The following JAK1 variants were observed in gnomAD, a reference collection of about 807,000 sequenced individuals.
JAK1 encodes the protein Janus kinase 1.
Under a neutral mutation model 136.6 loss-of-function variants are expected in JAK1, and 16 were observed. That is an observed-to-expected ratio of 0.12 (90% CI 0.08 to 0.18). The LOEUF is 0.18. Among genes scored for constraint, JAK1 ranks in the 10% least tolerant of loss-of-function variants. JAK1 has a pLI of 1.00. For synonymous variants in JAK1, 492 were observed against 519.5 expected, an observed-to-expected ratio of 0.95 and a Z score of 0.72; for missense variants, 859 against 1,450.1, an observed-to-expected ratio of 0.59 and a Z score of 6.62.
chr1:64,879,294 C>A lies in JAK1; in HGVS notation c.206-146G>T. 4 of 900,952 alleles carry A rather than the reference C, an allele frequency of 4.4e-6. No homozygotes were observed. The East Asian group carries it at 8.3e-5, about 19-fold the overall frequency. 55.8% of individuals were successfully genotyped at this position (900,952 alleles called of 1,614,324 possible). ...ATATCCTCTTAGGGCAAACAGACTT[C>A]CGACCAGGTTCGGTCAGGCTGTTTT... On this transcript the variant is annotated intron_variant, in intron 3 of 24. Coordinates refer to ENST00000342505, the MANE Select transcript of JAK1 (RefSeq NM_002227.4).
At chr1:64,953,418 G>A (rs946226384) in intron 1 of JAK1, among the ~76,000 whole-genome samples, 1 of 152,096 alleles carries the variant, frequency 6.6e-6, no homozygotes, top group Non-Finnish European at 1.5e-5. Flanking sequence ...GCTCGTCCTG[G>A]TTCCAAGTCC....
At chr1:64,849,684 G>A (rs1305645067) in intron 12 of JAK1, among the ~76,000 whole-genome samples, 3 of 152,264 alleles carry the variant, frequency 2.0e-5, no homozygotes, top group Admixed American at 1.3e-4. Context: ...TGTAATGCTT[G>A]ATCTCTGTTG....
chr1:64,996,305 C>T (rs1646703373), intron 2 of JAK1, among the ~76,000 whole-genome samples: 1 of 152,182 alleles, frequency 6.6e-6, no homozygotes, highest in South Asian at 2.1e-4. Flanking sequence ...GAGCCAATGA[C>T]TTTCTAGTTG....
intron 1 of JAK1, among the ~76,000 whole-genome samples, chr1:65,054,011 G>A (rs752583071): frequency 2.0e-5 from 3 of 152,170 alleles, no homozygotes; most frequent in South Asian, 2.1e-4. Flanking sequence ...GGATCTGGTG[G>A]AGGTAGTCTA....
intron 2 of JAK1, among the ~76,000 whole-genome samples, chr1:65,042,042 TCAAAA>T (rs897150062): frequency 4.6e-5 from 7 of 150,776 alleles, no homozygotes; most frequent in African/African-American, 1.5e-4. Context: ...AAACTCTGTC[TCAAAA>T]CAAAACAAAA....
chr1:64,883,731 CCATATTTTCAAAAAT>C (rs1355196823), intron 2 of JAK1, among the ~76,000 whole-genome samples: 1 of 151,498 alleles, frequency 6.6e-6, no homozygotes, highest in African/African-American at 2.4e-5. Context: ...TATGGTCAGA[CCATATTTTCAAAAAT>C]CAGAATAATT....
In JAK1 at chr1:65,063,437, CATGGAACACAGCA is replaced by C. The variant is rs1647896745; in HGVS notation, c.-181+4154_-181+4166del. On this transcript the variant is annotated intron_variant, in intron 1 of 25. Transcript: ENST00000671954. Reference sequence around the variant, plus strand: ...TAATACTTGGGGTCCCCAATCATCACATGGAACACAGCAGTGGAAAATAGAAACACAAACATGA... The same window carrying C: ...TAATACTTGGGGTCCCCAATCATCACGTGGAAAATAGAAACACAAACATGA... Among the ~76,000 whole-genome samples, 2 of 152,200 alleles carry C rather than the reference CATGGAACACAGCA, an allele frequency of 1.3e-5. 1 individual carries two copies. Among genetic ancestry groups the C allele is most frequent in the Admixed American group, 1.3e-4 (2 of 15,282 alleles).
chr1:64,945,661 C>T (rs1569665150), intron 1 of JAK1, among the ~76,000 whole-genome samples: 1 of 140,946 alleles, frequency 7.1e-6, no homozygotes, highest in Admixed American at 6.8e-5. Context: ...AAACAGGGAA[C>T]GAAGTTGACG....
At position 64,871,882 on chromosome 1, in the gene JAK1, AATC is replaced by A. The variant is rs765018086; in HGVS notation, c.483+1485_483+1487del. On this transcript the variant is annotated intron_variant, in intron 5 of 24. Transcript: ENST00000342505. ...CAATCTGCTTTCCACGTGTAACAAGAATCATCGACTTGAAACATACATAAAATG... is the reference window on the plus strand; with the variant it reads ...CAATCTGCTTTCCACGTGTAACAAGAATCGACTTGAAACATACATAAAATG... Among the ~76,000 whole-genome samples, 127 of 152,194 alleles carry A rather than the reference AATC, an allele frequency of 8.3e-4. 1 individual carries two copies. The highest frequency in any genetic ancestry group is 1.4e-3 in the Non-Finnish European group (98 of 68,034).
intron 4 of JAK1, among the ~76,000 whole-genome samples, chr1:64,875,755 T>A (rs1657364998): frequency 1.3e-5 from 2 of 152,126 alleles, no homozygotes; most frequent in South Asian, 4.1e-4. Flanking sequence ...GTCAGGCCTC[T>A]GAAGCTGCTG....
intron 1 of JAK1, among the ~76,000 whole-genome samples, chr1:64,913,641 G>GAGGAAGGGAGGAAGGA (rs1645325697): frequency 1.8e-5 from 1 of 56,836 alleles, no homozygotes; most frequent in Non-Finnish European, 3.2e-5. Context: ...GGGAGGAAGG[G>GAGGAAGGGAGGAAGGA]AGGAAGGAAG....
In JAK1 at chr1:64,877,999, C is replaced by T. The variant is rs527694594; in HGVS notation, c.329+1026G>A. Among the ~76,000 whole-genome samples the T allele has an allele frequency of 1.5e-4, 23 of 152,286 alleles. No homozygotes were observed. The South Asian group carries it at 4.8e-3, about 32-fold the overall frequency. On this transcript the variant is annotated intron_variant, in intron 4 of 24. Coordinates refer to ENST00000342505, the MANE Select transcript of JAK1 (RefSeq NM_002227.4). ...CTGGTTCAGTGTCCACTGAGAAAAA[C>T]ATCCCAGTCATTGTGTAATGGTGAC...
chr1:64,913,709 G>GAGGGAGGGAGGGAGGA (rs1645338342), intron 1 of JAK1, among the ~76,000 whole-genome samples: 3 of 21,166 alleles, frequency 1.4e-4, no homozygotes, highest in African/African-American at 4.8e-4. Context: ...GGAAAGAAGG[G>GAGGGAGGGAGGGAGGA]AGGGAGGGAG....
chr1:65,050,992 T>C (rs1647269007), intron 1 of JAK1, among the ~76,000 whole-genome samples: 2 of 152,050 alleles, frequency 1.3e-5, no homozygotes, highest in South Asian at 2.1e-4. Flanking sequence ...TCAACAAATA[T>C]TGACTCATCT....
At position 64,833,397 on chromosome 1, in the gene JAK1, A is replaced by G. The variant is rs1462201203; in HGVS notation, c.*1165T>C. On this transcript the variant is annotated 3_prime_UTR_variant, in exon 25 of 25. Coordinates refer to ENST00000342505, the MANE Select transcript of JAK1 (RefSeq NM_002227.4). Reference sequence around the variant, plus strand: ...ATTTGGGCTCAACAGGTGAAAAGTAACAATATCAAACGAATACTAAACAGC... The same window carrying G: ...ATTTGGGCTCAACAGGTGAAAAGTAGCAATATCAAACGAATACTAAACAGC... 1 of 232,868 alleles carries G rather than the reference A, an allele frequency of 4.3e-6. No individual in the cohort carries two copies. The highest frequency in any genetic ancestry group is 2.2e-5 in the African/African-American group (1 of 45,278). 14.4% of individuals were successfully genotyped at this position (232,868 alleles called of 1,614,324 possible).
chr1:65,023,253 T>C (rs1258352760), intron 2 of JAK1, among the ~76,000 whole-genome samples: 1 of 151,852 alleles, frequency 6.6e-6, no homozygotes, highest in Non-Finnish European at 1.5e-5. Context: ...CAGGCATACG[T>C]AGCCATACTG....
At chr1:64,943,902 C>CA (rs1645933837) in intron 1 of JAK1, among the ~76,000 whole-genome samples, 1 of 150,480 alleles carries the variant, frequency 6.6e-6, no homozygotes, top group Non-Finnish European at 1.5e-5. Context: ...CAATCCACAT[C>CA]AAAAAAATGA....
chr1:64,960,789 T>C (rs2100627344), intron 1 of JAK1, among the ~76,000 whole-genome samples: 1 of 152,360 alleles, frequency 6.6e-6, no homozygotes, highest in South Asian at 2.1e-4. Context: ...ATGAGACATC[T>C]GAAGTTGCCC....
chr1:64,836,957 C>T (rs1035134814), intron 22 of JAK1, among the ~76,000 whole-genome samples: 2 of 152,198 alleles, frequency 1.3e-5, no homozygotes, highest in Admixed American at 6.5e-5. Flanking sequence ...CTCAAGCTTC[C>T]TCCTGCAAAC....
Sources: allele counts gnomAD v4.1 joint callset (sites outside exome capture counted in the v4.1 genomes callset), GRCh38; gene constraint gnomAD v4.1.1; transcripts MANE v1.5; gene names NCBI Gene and HGNC (gene_info 2026-07-23, HGNC 2026-07-21).